Variants in SLC30A9 observed in about 807,000 individuals in gnomAD.
SLC30A9 encodes solute carrier family 30 member 9, also known as proton-coupled zinc antiporter SLC30A9, mitochondrial.
In SLC30A9, 58 loss-of-function variants were observed where a neutral mutation model predicts 87.5. The ratio of observed to expected loss-of-function variants is 0.66; its 90% CI spans 0.54 to 0.82. The LOEUF (loss-of-function observed/expected upper bound fraction) is 0.82. SLC30A9 is among the 40% of genes least tolerant of loss of function. The pLI is 0.00. For synonymous variants in SLC30A9, 234 were observed against 233.0 expected (o/e 1.00, Z -0.04); for missense variants, 557 against 679.1 (o/e 0.82, Z 2.00).
Position 42,078,267 on chromosome 4 carries a change from G to C in SLC30A9, c.1604G>C (p.Gly535Ala). ...EELETFMLKHGENIIDTLGAE... is the reference protein window; with the variant it reads ...EELETFMLKHAENIIDTLGAE... ...CTAGAGACCTTTATGCTTAAACATG[G>C]AGAAAATATTATTGATACTTTAGGA... The change falls in exon 17 of 18, where the codon GGA (glycine) becomes GCA (alanine). Residue 535 changes from glycine (G) to alanine (A), a missense_variant. Around this residue, in one of 2 missense-constraint regions of SLC30A9, gnomAD observed 90 missense variants for 149.4 expected, o/e 0.60. Coordinates refer to ENST00000264451, the MANE Select transcript of SLC30A9 (RefSeq NM_006345.4). 1.3e-6 allele frequency: 2 copies of C among 1,588,552 alleles called. No homozygotes were observed. Among genetic ancestry groups the C allele is most frequent in the Non-Finnish European group, 1.7e-6 (2 of 1,162,340 alleles).
At position 42,029,631 on chromosome 4, in the gene SLC30A9, T is replaced by C; in HGVS notation, c.611-5644T>C. 4.4e-6 allele frequency: 3 copies of C among 680,742 alleles called. No homozygotes were observed. In the South Asian group the frequency reaches 4.8e-5, roughly 11 times the overall value. 42.2% of individuals were successfully genotyped at this position (680,742 alleles called of 1,614,324 possible). On this transcript the variant is annotated intron_variant, in intron 6 of 17. Transcript: ENST00000264451. ...GTGAACCCAAAGAACGAGGAGACTT[T>C]AATCAAGAATGAGGTGAGCGAAAGT...
chr4:42,065,729 G>T (rs1256696560), intron 12 of SLC30A9, among the ~76,000 whole-genome samples: 1 of 152,222 alleles, frequency 6.6e-6, no homozygotes, highest in Non-Finnish European at 1.5e-5. Flanking sequence ...CTATGTGGTG[G>T]TAAGAGGTGT....
At chr4:42,042,064 C>T (rs1218028817) in intron 8 of SLC30A9, among the ~76,000 whole-genome samples, 1 of 152,192 alleles carries the variant, frequency 6.6e-6, no homozygotes, top group Non-Finnish European at 1.5e-5. Context: ...TCACAACCCA[C>T]AGACCAGGAG....
At chr4:41,994,750 T>C (rs1714618169) in intron 1 of SLC30A9, among the ~76,000 whole-genome samples, 1 of 145,432 alleles carries the variant, frequency 6.9e-6, no homozygotes, top group South Asian at 2.2e-4. Context: ...TAGCTAGGCA[T>C]GGTGGTGGGC....
intron 16 of SLC30A9, among the ~76,000 whole-genome samples, chr4:42,076,421 A>C (rs1718553005): frequency 1.3e-5 from 2 of 152,166 alleles, no homozygotes; most frequent in Non-Finnish European, 2.9e-5. Flanking sequence ...TTTTCCATTC[A>C]GATTTTTATA....
intron 2 of SLC30A9, among the ~76,000 whole-genome samples, chr4:42,015,641 C>T (rs549139589): frequency 6.6e-6 from 1 of 152,088 alleles, no homozygotes; most frequent in Non-Finnish European, 1.5e-5. Context: ...ATATTTTCTT[C>T]GTGGTTATTG....
intron 2 of SLC30A9, among the ~76,000 whole-genome samples, chr4:42,013,638 T>C (rs1448628277): frequency 6.6e-6 from 1 of 152,140 alleles, no homozygotes; most frequent in Non-Finnish European, 1.5e-5. Flanking sequence ...AAACATACAT[T>C]GGGGAAAGGA....
At chr4:42,059,006 G>A (rs1717738997) in intron 9 of SLC30A9, among the ~76,000 whole-genome samples, 1 of 152,112 alleles carries the variant, frequency 6.6e-6, no homozygotes, top group Non-Finnish European at 1.5e-5. Flanking sequence ...AGTGGTAAAA[G>A]CTTATAATAT....
chr4:41,998,181 G>A (rs1714806389), intron 1 of SLC30A9, among the ~76,000 whole-genome samples: 2 of 152,210 alleles, frequency 1.3e-5, no homozygotes, highest in African/African-American at 2.4e-5. Context: ...TGGCCATTAG[G>A]TCACTAGCTA....
chr4:42,060,155 TA>T, intron 9 of SLC30A9, 35 bp from the exon 10 acceptor site: 1 of 1,538,544 alleles, frequency 6.5e-7, no homozygotes, highest in Non-Finnish European at 9.0e-7. Context: ...TCCATCTTGC[TA>T]ATGATTATTC....
chr4:42,059,099 A>G (rs1377624864), intron 9 of SLC30A9, among the ~76,000 whole-genome samples: 1 of 152,074 alleles, frequency 6.6e-6, no homozygotes, highest in Non-Finnish European at 1.5e-5. Context: ...TTTAATCTCT[A>G]TTTTTTATTA....
intron 15 of SLC30A9, among the ~76,000 whole-genome samples, chr4:42,075,026 T>TATATATATATATAATGA (rs1718465144): frequency 4.1e-4 from 1 of 2,450 alleles, no homozygotes; most frequent in Non-Finnish European, 8.2e-4. Flanking sequence ...AATGAATATA[T>TATATATATATATAATGA]ATATATATAT....
chr4:42,065,543 G>C (rs1345162976), intron 12 of SLC30A9, among the ~76,000 whole-genome samples, 194 bp downstream of exon 12: 2 of 152,172 alleles, frequency 1.3e-5, no homozygotes, highest in Admixed American at 6.5e-5. Context: ...ATAGCTGTGG[G>C]GGGGTGTGTA....
intron 2 of SLC30A9, among the ~76,000 whole-genome samples, chr4:42,017,473 T>G (rs1387849167): frequency 5.3e-5 from 8 of 151,998 alleles, no homozygotes; most frequent in African/African-American, 1.4e-4. Flanking sequence ...ATATCTTGTT[T>G]AAGAAATCTT....
intron 1 of SLC30A9, among the ~76,000 whole-genome samples, chr4:41,994,160 G>GA (rs932313095): frequency 5.5e-5 from 4 of 73,282 alleles, no homozygotes; most frequent in Non-Finnish European, 1.1e-4. Flanking sequence ...CATCTCAAAA[G>GA]AAAAAAAAAA....
intron 9 of SLC30A9, among the ~76,000 whole-genome samples, chr4:42,050,684 G>A (rs1286794578): frequency 3.9e-5 from 6 of 152,174 alleles, no homozygotes; most frequent in African/African-American, 1.4e-4. Context: ...CAGACTAACA[G>A]GGATTGAGTT....
intron 8 of SLC30A9, among the ~76,000 whole-genome samples, chr4:42,042,161 C>G (rs2153137719): frequency 6.6e-6 from 1 of 152,302 alleles, no homozygotes; most frequent in Admixed American, 6.5e-5. Context: ...GCTAGCTAGA[C>G]TAGTTTTTTT....
At chr4:42,064,643 C>T (rs973540208) in intron 11 of SLC30A9, among the ~76,000 whole-genome samples, 2 of 152,176 alleles carry the variant, frequency 1.3e-5, no homozygotes, top group African/African-American at 4.8e-5. Context: ...GCAAAGCACT[C>T]TCTGTAGTTA....
intron 1 of SLC30A9, among the ~76,000 whole-genome samples, chr4:41,991,657 T>C (rs1416347922): frequency 2.6e-5 from 4 of 152,072 alleles, no homozygotes; most frequent in Admixed American, 1.3e-4. Context: ...GGTGGTGCGC[T>C]CCTGTAGTCC....
Sources: gnomAD v4.1 joint callset for allele counts (sites outside exome capture counted in the v4.1 genomes callset) on GRCh38, gnomAD v4.1.1 for gene constraint, gnomAD v4.1.1 regional missense constraint, MANE v1.5 for transcripts, NCBI Gene and HGNC (gene_info 2026-07-23, HGNC 2026-07-21) for gene names.